Variants in GRIK4 observed in about 807,000 individuals in gnomAD.
GRIK4 encodes the protein glutamate receptor ionotropic, kainate 4.
A neutral mutation model predicts 104.9 loss-of-function variants in GRIK4; 40 were observed. The observed-to-expected ratio is 0.38, with a 90% CI of 0.30 to 0.50. GRIK4 has a LOEUF of 0.50. Ranked by LOEUF, GRIK4 falls within the 20% of genes least tolerant of loss-of-function variation. The probability of loss-of-function intolerance (pLI) is 0.93; values close to 1 mark genes in which losing one functional copy is unlikely to be tolerated. For synonymous variants in GRIK4, 485 were observed against 524.9 expected (o/e 0.92, Z 1.04); for missense variants, 1,047 against 1,308.1 (o/e 0.80, Z 3.08).
At chr11:120,831,821 C>G (rs1325321772) in intron 6 of GRIK4, 31 bp from the exon 7 acceptor site, 2 of 1,584,438 alleles carry the variant, frequency 1.3e-6, no homozygotes, top group South Asian at 1.1e-5. Flanking sequence ...CTCTGTGGAC[C>G]CTCAGGGGCT....
At chr11:120,897,361 G>A (rs745756374) in intron 11 of GRIK4, among the ~76,000 whole-genome samples, 1 of 151,182 alleles carries the variant, frequency 6.6e-6, no homozygotes, top group Non-Finnish European at 1.5e-5. Context: ...TCGGCCGGGC[G>A]CGGTGGCTCA....
intron 6 of GRIK4, among the ~76,000 whole-genome samples, chr11:120,827,196 C>T (rs962228449): frequency 3.3e-5 from 5 of 152,196 alleles, no homozygotes; most frequent in Non-Finnish European, 7.4e-5. Flanking sequence ...TCTGTGTCCC[C>T]TGCAGACTCA....
intron 3 of GRIK4, among the ~76,000 whole-genome samples, chr11:120,686,622 G>T (rs547517853): frequency 9.9e-5 from 15 of 152,236 alleles, no homozygotes; most frequent in Non-Finnish European, 1.9e-4. Context: ...CATTAAATAT[G>T]CTAACAGAGG....
At chr11:120,890,752 A>G (rs1955265263) in intron 11 of GRIK4, among the ~76,000 whole-genome samples, 1 of 152,192 alleles carries the variant, frequency 6.6e-6, no homozygotes, top group South Asian at 2.1e-4. Context: ...GAATAATAAC[A>G]AGGTTGTTGT....
intron 1 of GRIK4, among the ~76,000 whole-genome samples, chr11:120,545,062 GCTGGCCAGAGGCCAGCTGTGAAC>G: frequency 6.6e-6 from 1 of 152,266 alleles, no homozygotes; most frequent in Admixed American, 6.5e-5. Context: ...AGGCCTCACA[GCTGGCCAGAGGCCAGCTGTGAAC>G]AAACCAGGGG....
chr11:120,528,392 T>G (rs1028992391), intron 1 of GRIK4, among the ~76,000 whole-genome samples: 3 of 152,234 alleles, frequency 2.0e-5, no homozygotes, highest in Non-Finnish European at 4.4e-5. Context: ...ATTACAGGCA[T>G]GAGCCACCAA....
intron 1 of GRIK4, among the ~76,000 whole-genome samples, chr11:120,543,291 A>G (rs1948054914): frequency 6.6e-6 from 1 of 152,102 alleles, no homozygotes; most frequent in Non-Finnish European, 1.5e-5. Context: ...AAACAAAAAA[A>G]CTAGGCCTGG....
At chr11:120,912,820 G>A (rs980416363) in intron 13 of GRIK4, among the ~76,000 whole-genome samples, 2 of 152,238 alleles carry the variant, frequency 1.3e-5, no homozygotes, top group African/African-American at 4.8e-5. Flanking sequence ...GGACGTTCAT[G>A]TGGCTGGAGC....
At chr11:120,737,738 G>A (rs1329115285) in intron 3 of GRIK4, among the ~76,000 whole-genome samples, 1 of 152,082 alleles carries the variant, frequency 6.6e-6, no homozygotes, top group African/African-American at 2.4e-5. Flanking sequence ...TAAAAGTCAG[G>A]GAAGTTGTTA....
chr11:120,794,155 C>T (rs1363650670), intron 3 of GRIK4, among the ~76,000 whole-genome samples: 1 of 143,668 alleles, frequency 7.0e-6, no homozygotes, highest in Non-Finnish European at 1.5e-5. Context: ...GGCTGAGAGC[C>T]GGGTGATGGT....
chr11:120,703,328 C>G (rs1480797739), intron 3 of GRIK4, among the ~76,000 whole-genome samples: 1 of 152,202 alleles, frequency 6.6e-6, no homozygotes, highest in Non-Finnish European at 1.5e-5. Context: ...AACCTACCCT[C>G]TGCTTCCCAA....
At chr11:120,729,752 G>GT (rs1255383889) in intron 3 of GRIK4, among the ~76,000 whole-genome samples, 1 of 152,130 alleles carries the variant, frequency 6.6e-6, no homozygotes, top group Non-Finnish European at 1.5e-5. Context: ...CTGTGCAGAA[G>GT]TTTTTTAATT....
rs368104147 is a variant in GRIK4, at chr11:120,862,131, G to A, written c.906+11G>A. ...TTCACTGGGCCTGCGGTAAGTACCCGCCAGAGCTCTTCCTGGTGCCCCTTG... is the reference window on the plus strand; with the variant it reads ...TTCACTGGGCCTGCGGTAAGTACCCACCAGAGCTCTTCCTGGTGCCCCTTG... On this transcript the variant is annotated intron_variant, in intron 9 of 20. Transcript: ENST00000527524. 3.0e-5 allele frequency: 48 copies of A among 1,611,010 alleles called. No homozygotes were observed. Among genetic ancestry groups the A allele is most frequent in the Non-Finnish European group, 3.8e-5 (45 of 1,178,514 alleles).
chr11:120,580,243 C>G lies in GRIK4; in HGVS notation c.-159+68356C>G, dbSNP rs1948556950. ...TCTTTCTTTCTTTCTTTCTTTCTTT[C>G]TTTCTTTCTTTTTCTTTCTTTCTTT... On this transcript the variant is annotated intron_variant, in intron 1 of 20. Transcript: ENST00000527524. 3.0e-5 allele frequency among the ~76,000 whole-genome samples: 4 copies of G among 132,208 alleles called. No homozygotes were observed. The South Asian group carries it at 9.2e-4, about 30-fold the overall frequency. 86.7% of individuals were successfully genotyped at this position (132,208 alleles called of 152,430 possible). A position where few individuals can be genotyped will look rare whatever the true frequency, so the allele number is the denominator to read the frequency against.
chr11:120,816,290 C>G (rs7104999), intron 5 of GRIK4, among the ~76,000 whole-genome samples: 72,500 of 151,794 alleles, frequency 0.48, 18,085 homozygotes, highest in African/African-American at 0.63. Context: ...CAGATATATC[C>G]TCGGGAGACA....
At chr11:120,810,057 A>T (rs1002331378) in intron 4 of GRIK4, among the ~76,000 whole-genome samples, 1 of 152,212 alleles carries the variant, frequency 6.6e-6, no homozygotes, top group Non-Finnish European at 1.5e-5. Context: ...AAAGTGAGAC[A>T]CTGTCTCAAA....
chr11:120,986,027 C>T lies in GRIK4; in HGVS notation c.2638C>T (p.Arg880Ter). 2 of 1,524,914 alleles carry T rather than the reference C, an allele frequency of 1.3e-6. No individual in the cohort carries two copies. Among genetic ancestry groups the T allele is most frequent in the Non-Finnish European group, 1.8e-6 (2 of 1,137,416 alleles). 94.5% of individuals were successfully genotyped at this position (1,524,914 alleles called of 1,614,324 possible). A position where few individuals can be genotyped will look rare whatever the true frequency, so the allele number is the denominator to read the frequency against. Residue 880 changes from arginine (R) to a stop codon, truncating the protein, a stop_gained, in exon 21 of 21, where the codon CGA (arginine) becomes TGA (stop). Coordinates refer to ENST00000527524, the MANE Select transcript of GRIK4 (RefSeq NM_014619.5). LOFTEE classifies it high-confidence loss of function. ...CCGGCCCCCCATCCCCGAGGAGCGC[C>T]GACCGCGGGGCACGGCGACGCTCAG... ...PPRPPIPEERRPRGTATLSNG... is the reference protein window; with the variant it reads ...PPRPPIPEER
At chr11:120,727,796 A>G (rs1565317731) in intron 3 of GRIK4, among the ~76,000 whole-genome samples, 1 of 152,158 alleles carries the variant, frequency 6.6e-6, no homozygotes, top group African/African-American at 2.4e-5. Context: ...AAATAAAACT[A>G]TAAGGAGCAC....
At chr11:120,657,306 G>A (rs544810136) in intron 2 of GRIK4, among the ~76,000 whole-genome samples, 1 of 152,294 alleles carries the variant, frequency 6.6e-6, no homozygotes, top group African/African-American at 2.4e-5. Context: ...TAATAAGTAA[G>A]AATGTCTAGC....
Sources: allele counts gnomAD v4.1 joint callset (sites outside exome capture counted in the v4.1 genomes callset), GRCh38; gene constraint gnomAD v4.1.1; transcripts MANE v1.5; gene names NCBI Gene and HGNC (gene_info 2026-07-23, HGNC 2026-07-21).